Variants in SH3RF2 observed in about 807,000 individuals in gnomAD.
SH3RF2 encodes the protein SH3 domain containing ring finger 2, also known as E3 ubiquitin-protein ligase SH3RF2.
A neutral mutation model predicts 59.0 loss-of-function variants in SH3RF2; 43 were observed. The ratio of observed to expected loss-of-function variants is 0.73; its 90% CI spans 0.57 to 0.94. SH3RF2 has a LOEUF of 0.94. Among genes scored for constraint, SH3RF2 ranks in the 40% least tolerant of loss-of-function variants. The pLI is 0.00. For missense variants in SH3RF2, 930 were observed against 940.1 expected (o/e 0.99, Z 0.14); for synonymous variants, 391 against 391.5 (o/e 1.00, Z 0.01).
In SH3RF2 at chr5:146,076,787, T is replaced by C. The variant is rs556021561; in HGVS notation, c.*34-1673T>C. Among the ~76,000 whole-genome samples, 3 of 152,300 alleles carry C rather than the reference T, an allele frequency of 2.0e-5. No individual in the cohort carries two copies. In the South Asian group the frequency reaches 6.2e-4, roughly 32 times the overall value. On this transcript the variant is annotated intron_variant, in intron 9 of 9. Coordinates refer to the SH3RF2 transcript ENST00000511217. ...GGGCTCCTCTGGTACATTCAGTCTC[T>C]GGAGCCAAAGATCTTAGTTCTGCCT...
intron 5 of SH3RF2, among the ~76,000 whole-genome samples, chr5:146,031,357 G>A (rs1391772479): frequency 1.3e-5 from 2 of 152,186 alleles, no homozygotes; most frequent in South Asian, 2.1e-4. Flanking sequence ...GAATGAATGA[G>A]TGGTGAAGCG....
At chr5:146,045,776 G>C (rs921504179) in intron 5 of SH3RF2, among the ~76,000 whole-genome samples, 5 of 152,206 alleles carry the variant, frequency 3.3e-5, no homozygotes, top group Non-Finnish European at 7.3e-5. Context: ...TATGAATAAT[G>C]CTGCTGAAAC....
At chr5:146,048,201 G>C (rs2150014458) in intron 6 of SH3RF2, among the ~76,000 whole-genome samples, 1 of 152,094 alleles carries the variant, frequency 6.6e-6, no homozygotes, top group South Asian at 2.1e-4. Context: ...TATTTTCCTA[G>C]CTACTTAGGA....
intron 2 of SH3RF2, among the ~76,000 whole-genome samples, chr5:145,955,305 C>T (rs56716600): frequency 0.13 from 19,358 of 151,998 alleles, 1,384 homozygotes; most frequent in Middle Eastern, 0.23. Flanking sequence ...TTCCAGGAAC[C>T]GAAAACCAAA....
chr5:145,953,006 G>A (rs1758250698), intron 2 of SH3RF2, among the ~76,000 whole-genome samples: 1 of 152,056 alleles, frequency 6.6e-6, no homozygotes, highest in Non-Finnish European at 1.5e-5. Flanking sequence ...CTCAATAGAA[G>A]GCATTCAACA....
At chr5:145,974,987 G>T (rs1461130163) in intron 2 of SH3RF2, among the ~76,000 whole-genome samples, 2 of 152,198 alleles carry the variant, frequency 1.3e-5, no homozygotes, top group African/African-American at 2.4e-5. Flanking sequence ...AGTCTCATGT[G>T]TCTGAACTCT....
intron 2 of SH3RF2, among the ~76,000 whole-genome samples, chr5:145,971,466 A>G (rs572155684): frequency 6.6e-6 from 1 of 152,284 alleles, no homozygotes; most frequent in Admixed American, 6.5e-5. Flanking sequence ...CAGGATTATT[A>G]TTTTCACTTG....
At chr5:146,052,246 G>T (rs2150017038) in intron 7 of SH3RF2, among the ~76,000 whole-genome samples, 1 of 152,250 alleles carries the variant, frequency 6.6e-6, no homozygotes, top group East Asian at 1.9e-4. Flanking sequence ...ACTCTCCCGG[G>T]AAAATCAAGC....
At chr5:145,984,156 A>ATTT (rs1444258457) in intron 2 of SH3RF2, among the ~76,000 whole-genome samples, 2 of 152,122 alleles carry the variant, frequency 1.3e-5, no homozygotes, top group Non-Finnish European at 2.9e-5. Context: ...TGTATGTCTC[A>ATTT]TTTATTGTAG....
At chr5:145,989,916 G>A (rs2159107) in intron 2 of SH3RF2, among the ~76,000 whole-genome samples, 8,500 of 152,180 alleles carry the variant, frequency 0.056, 295 homozygotes, top group Non-Finnish European at 0.079. Flanking sequence ...AATAAACTCA[G>A]GGCTCACTGG....
chr5:146,051,381 A>G (rs1435471247), intron 7 of SH3RF2, among the ~76,000 whole-genome samples: 1 of 152,202 alleles, frequency 6.6e-6, no homozygotes, highest in Non-Finnish European at 1.5e-5. Context: ...ATTGAGAATA[A>G]ACTATACAAA....
chr5:145,952,065 T>G (rs1366594811), intron 2 of SH3RF2, among the ~76,000 whole-genome samples: 27 of 152,224 alleles, frequency 1.8e-4, no homozygotes, highest in Non-Finnish European at 2.9e-5. Context: ...ACTTGAGGAC[T>G]GGCCCATAAA....
chr5:146,004,158 G>A lies in SH3RF2; in HGVS notation c.744+5G>A, dbSNP rs186099052. 8.3e-4 allele frequency: 1,339 copies of A among 1,607,710 alleles called. 17 individuals are homozygous for A. Among genetic ancestry groups the A allele is most frequent in the Non-Finnish European group, 9.9e-5 (116 of 1,175,058 alleles). On this transcript the variant is annotated splice_donor_5th_base_variant and intron_variant, in intron 4 of 9. Transcript: ENST00000359120. ...TTCCCTATCTTGTTTGTAGAGGTAC[G>A]TGAGTATCAAGTCTACATCTGATTT...
chr5:146,040,138 A>G (rs1762072713), intron 5 of SH3RF2, among the ~76,000 whole-genome samples: 1 of 152,214 alleles, frequency 6.6e-6, no homozygotes. Context: ...ATAACTTGGG[A>G]GAGAGACTTG....
chr5:145,944,959 C>G (rs1389824398), intron 2 of SH3RF2, among the ~76,000 whole-genome samples: 4 of 152,122 alleles, frequency 2.6e-5, no homozygotes, highest in Admixed American at 6.5e-5. Context: ...TGGTAACCTG[C>G]ACAGCAAAGC....
chr5:146,035,854 T>C (rs1761918439), intron 5 of SH3RF2, among the ~76,000 whole-genome samples: 2 of 152,194 alleles, frequency 1.3e-5, no homozygotes, highest in Admixed American at 1.3e-4. Context: ...GTAGGACAGA[T>C]AGTAGGTTTG....
chr5:146,069,489 T>TTGCTGCTGC (rs56297729), intron 9 of SH3RF2, among the ~76,000 whole-genome samples: 6 of 151,226 alleles, frequency 4.0e-5, no homozygotes, highest in East Asian at 1.9e-4. Context: ...AAATGAGATC[T>TTGCTGCTGC]TGCTGCTGCT....
At chr5:145,976,740 T>A (rs992275262) in intron 2 of SH3RF2, among the ~76,000 whole-genome samples, 6 of 152,226 alleles carry the variant, frequency 3.9e-5, no homozygotes, top group African/African-American at 1.4e-4. Flanking sequence ...TAAAACATGA[T>A]ACAAAATCTT....
intron 9 of SH3RF2, among the ~76,000 whole-genome samples, chr5:146,070,274 C>T (rs1763204819): frequency 6.6e-6 from 1 of 152,152 alleles, no homozygotes; most frequent in African/African-American, 2.4e-5. Flanking sequence ...AGAGCATGGA[C>T]AAATGAGATG....
Sources: allele counts gnomAD v4.1 joint callset (sites outside exome capture counted in the v4.1 genomes callset), GRCh38; gene constraint gnomAD v4.1.1; transcripts MANE v1.5; gene names NCBI Gene and HGNC (gene_info 2026-07-23, HGNC 2026-07-21).